Variants in TMEM132D observed in about 807,000 individuals in gnomAD.
The protein encoded by TMEM132D is transmembrane protein 132D.
A neutral mutation model predicts 62.3 loss-of-function variants in TMEM132D; 21 were observed. That is an observed-to-expected ratio of 0.34 (90% CI 0.24 to 0.49). The LOEUF (loss-of-function observed/expected upper bound fraction) is 0.49, where lower values mean the gene tolerates loss of function less well. Ranked by LOEUF, TMEM132D falls within the 20% of genes least tolerant of loss-of-function variation. The pLI, the probability that TMEM132D is intolerant of heterozygous loss-of-function variation, is 0.99. For missense variants in TMEM132D, 1,346 were observed against 1,402.8 expected, an observed-to-expected ratio of 0.96 and a Z score of 0.65; for synonymous variants, 621 against 575.6, an observed-to-expected ratio of 1.08 and a Z score of -1.13.
intron 5 of TMEM132D, among the ~76,000 whole-genome samples, chr12:129,195,742 G>A (rs1565994110): frequency 6.6e-6 from 1 of 151,944 alleles, no homozygotes; most frequent in Admixed American, 6.6e-5. Flanking sequence ...GTGTTTTTTT[G>A]TGGCCACAGA....
chr12:129,893,203 A>G (rs1238117911), intron 1 of TMEM132D, among the ~76,000 whole-genome samples: 3 of 152,122 alleles, frequency 2.0e-5, no homozygotes, highest in Admixed American at 6.5e-5. Flanking sequence ...GACTTGGGCT[A>G]GTTATTTCAG....
chr12:129,463,354 C>T (rs1259997691), intron 3 of TMEM132D, among the ~76,000 whole-genome samples: 6 of 151,908 alleles, frequency 3.9e-5, no homozygotes, highest in Non-Finnish European at 7.4e-5. Context: ...TTAAACTTCA[C>T]ATTCACAGGT....
chr12:129,663,484 CT>C, intron 2 of TMEM132D, among the ~76,000 whole-genome samples: 1 of 152,194 alleles, frequency 6.6e-6, no homozygotes, highest in Non-Finnish European at 1.5e-5. Context: ...CACAAAACCC[CT>C]TCCAAAGACT....
intron 3 of TMEM132D, among the ~76,000 whole-genome samples, chr12:129,529,271 A>G (rs1876147089): frequency 6.6e-6 from 1 of 152,248 alleles, no homozygotes; most frequent in Non-Finnish European, 1.5e-5. Context: ...TTTATATTCT[A>G]TTCAGGGTCC....
intron 4 of TMEM132D, among the ~76,000 whole-genome samples, chr12:129,219,597 G>A (rs1168017171): frequency 1.3e-5 from 2 of 152,180 alleles, no homozygotes; most frequent in African/African-American, 4.8e-5. Context: ...GAACAAAAAT[G>A]TGACTTACTT....
intron 1 of TMEM132D, among the ~76,000 whole-genome samples, chr12:129,705,804 A>C (rs1354504574): frequency 6.6e-6 from 1 of 152,148 alleles, no homozygotes; most frequent in African/African-American, 2.4e-5. Context: ...GAAAATAGTA[A>C]TAAAAAATTC....
At chr12:129,660,480 C>T (rs999962415) in intron 2 of TMEM132D, among the ~76,000 whole-genome samples, 3 of 152,090 alleles carry the variant, frequency 2.0e-5, no homozygotes, top group Non-Finnish European at 4.4e-5. Flanking sequence ...AACCCTGTTG[C>T]GTGGACTGTC....
At chr12:129,158,133 T>C (rs943237823) in intron 5 of TMEM132D, among the ~76,000 whole-genome samples, 1 of 152,128 alleles carries the variant, frequency 6.6e-6, no homozygotes, top group Non-Finnish European at 1.5e-5. Flanking sequence ...TAGGGAGTTG[T>C]AGAAACTGAA....
intron 1 of TMEM132D, among the ~76,000 whole-genome samples, chr12:129,780,108 C>A (rs762743372): frequency 6.6e-6 from 1 of 152,066 alleles, no homozygotes; most frequent in Non-Finnish European, 1.5e-5. Flanking sequence ...CACACCCACC[C>A]GCAAAGGGGC....
Position 129,827,672 on chromosome 12 carries a change from T to TCTC in TMEM132D, c.79+75588_79+75589insGAG, listed in dbSNP as rs1872697380. On this transcript the variant is annotated intron_variant, in intron 1 of 8. Coordinates refer to ENST00000422113, the MANE Select transcript of TMEM132D (RefSeq NM_133448.3). This position sits in a 1 kb window ranked among gnomAD's most constrained non-coding sequence, Gnocchi z 9.7. ...ACCCAGACATCCTTAACAAACAAATTCCAGCAAGTCTCAAGTGTAAAAAGG... is the reference window on the plus strand; with the variant it reads ...ACCCAGACATCCTTAACAAACAAATTCTCCCAGCAAGTCTCAAGTGTAAAAAGG... Among the ~76,000 whole-genome samples, 1 of 152,116 alleles carries TCTC rather than the reference T, an allele frequency of 6.6e-6. No homozygotes were observed. Among genetic ancestry groups the TCTC allele is most frequent in the African/African-American group, 2.4e-5 (1 of 41,414 alleles).
chr12:129,698,879 G>T (rs1050555459), intron 2 of TMEM132D, among the ~76,000 whole-genome samples: 1 of 151,982 alleles, frequency 6.6e-6, no homozygotes, highest in Non-Finnish European at 1.5e-5. Flanking sequence ...ATAGAGAGCT[G>T]GTCATCATTG....
intron 5 of TMEM132D, among the ~76,000 whole-genome samples, chr12:129,163,233 C>T (rs1877449515): frequency 6.6e-6 from 1 of 152,226 alleles, no homozygotes; most frequent in African/African-American, 2.4e-5. Context: ...ATTGATGAAG[C>T]GTTTCATGAG....
At chr12:129,530,321 A>T (rs1425721124) in intron 3 of TMEM132D, among the ~76,000 whole-genome samples, 1 of 151,558 alleles carries the variant, frequency 6.6e-6, no homozygotes, top group Non-Finnish European at 1.5e-5. Flanking sequence ...TCCTTTCATT[A>T]TTGTTGAAAT....
intron 3 of TMEM132D, among the ~76,000 whole-genome samples, chr12:129,525,499 T>C (rs1876003014): frequency 1.3e-5 from 2 of 152,100 alleles, no homozygotes; most frequent in Non-Finnish European, 2.9e-5. Context: ...TCCTTCATGG[T>C]CTAGGAGGAC....
At chr12:129,210,216 C>T (rs914959246) in intron 4 of TMEM132D, 2 of 153,852 alleles carry the variant, frequency 1.3e-5, no homozygotes, top group Admixed American at 1.3e-4. Context: ...GCCAGAGGGG[C>T]CTGGTGTTGT....
chr12:129,646,947 C>T (rs934414312), intron 2 of TMEM132D, among the ~76,000 whole-genome samples: 4 of 151,638 alleles, frequency 2.6e-5, no homozygotes, highest in African/African-American at 7.3e-5. Flanking sequence ...TTACAGGTGT[C>T]GCCACCACGC....
At chr12:129,217,093 T>C (rs1050328785) in intron 4 of TMEM132D, among the ~76,000 whole-genome samples, 1 of 152,140 alleles carries the variant, frequency 6.6e-6, no homozygotes. Flanking sequence ...AATGATCCCA[T>C]AAATGTTAAA....
chr12:129,426,045 C>T (rs917162419), intron 3 of TMEM132D, among the ~76,000 whole-genome samples: 5 of 152,228 alleles, frequency 3.3e-5, no homozygotes, highest in African/African-American at 1.2e-4. Flanking sequence ...ACCACTTCTC[C>T]AGCCAGCTGC....
chr12:129,363,026 A>G (rs1429738782), intron 3 of TMEM132D, among the ~76,000 whole-genome samples: 4 of 152,224 alleles, frequency 2.6e-5, no homozygotes, highest in African/African-American at 9.6e-5. Flanking sequence ...CTGGCAACTC[A>G]GTGCTTCTTC....
Sources: gnomAD v4.1 joint callset for allele counts (sites outside exome capture counted in the v4.1 genomes callset) on GRCh38, gnomAD v4.1.1 for gene constraint, Gnocchi (gnomAD v3.1) non-coding constraint, MANE v1.5 for transcripts, NCBI Gene and HGNC (gene_info 2026-07-23, HGNC 2026-07-21) for gene names.